Variants in CPQ observed in about 807,000 individuals in gnomAD.
CPQ encodes the protein Ser-Met dipeptidase.
A neutral mutation model predicts 45.7 loss-of-function variants in CPQ; 37 were observed. The ratio of observed to expected loss-of-function variants is 0.81; its 90% CI spans 0.62 to 1.07. The LOEUF is 1.07. Among genes scored for constraint, CPQ ranks in the 50% least tolerant of loss-of-function variants. The pLI is 0.00. For synonymous variants in CPQ, 186 were observed against 205.8 expected, an observed-to-expected ratio of 0.90 and a Z score of 0.82; for missense variants, 537 against 572.9, an observed-to-expected ratio of 0.94 and a Z score of 0.64.
intron 2 of CPQ, among the ~76,000 whole-genome samples, chr8:96,819,918 C>G (rs1586413380): frequency 6.6e-6 from 1 of 152,162 alleles, no homozygotes; most frequent in South Asian, 2.1e-4. Flanking sequence ...ATTGAAACCT[C>G]TGCTCTTCTC....
intron 4 of CPQ, among the ~76,000 whole-genome samples, chr8:96,919,326 C>T (rs866998887): frequency 3.3e-5 from 5 of 152,120 alleles, no homozygotes; most frequent in Admixed American, 2.0e-4. Context: ...GTCATTCTGT[C>T]TGTGGCACAT....
At chr8:96,728,620 G>A (rs1809873028) in intron 1 of CPQ, among the ~76,000 whole-genome samples, 1 of 152,120 alleles carries the variant, frequency 6.6e-6, no homozygotes, top group Non-Finnish European at 1.5e-5. Flanking sequence ...CATTCTAAGG[G>A]TGGATATGGT....
At position 96,955,381 on chromosome 8, in the gene CPQ, C is replaced by T. The variant is rs200784800; in HGVS notation, c.850-10554C>T. ...GAGCATTTTTTCATCTGTCTTTTGGCTGCATAAATGTCTTCCTTTGAGAAG... is the reference window on the plus strand; with the variant it reads ...GAGCATTTTTTCATCTGTCTTTTGGTTGCATAAATGTCTTCCTTTGAGAAG... On this transcript the variant is annotated intron_variant, in intron 4 of 7. Transcript: ENST00000220763. 6.6e-5 allele frequency among the ~76,000 whole-genome samples: 10 copies of T among 152,226 alleles called. No homozygotes were observed. In the East Asian group the frequency reaches 1.9e-3, roughly 29 times the overall value.
At chr8:96,824,284 A>G (rs751614414) in intron 2 of CPQ, among the ~76,000 whole-genome samples, 3 of 152,016 alleles carry the variant, frequency 2.0e-5, no homozygotes, top group Non-Finnish European at 4.4e-5. Flanking sequence ...TTTCATGTCA[A>G]TATATTTACC....
intron 1 of CPQ, among the ~76,000 whole-genome samples, chr8:96,740,304 C>A (rs199599411): frequency 3.3e-5 from 5 of 151,866 alleles, no homozygotes; most frequent in Admixed American, 1.3e-4. Context: ...ATTTTTGTAC[C>A]TTGATTTTTT....
chr8:96,926,622 TCTC>T lies in CPQ; in HGVS notation c.850-39307_850-39305del, dbSNP rs1194019208. On this transcript the variant is annotated intron_variant, in intron 4 of 7. Coordinates refer to ENST00000220763, the MANE Select transcript of CPQ (RefSeq NM_016134.4). ...TTCTTCTTCTTCTTCTTCTTCTTCT[TCTC>T]CTCCTTCTCCTTCTTCTTCTTCTCC... Among the ~76,000 whole-genome samples the T allele has an allele frequency of 2.9e-3, 355 of 123,814 alleles. 2 individuals carry two copies. Among genetic ancestry groups the T allele is most frequent in the African/African-American group, 0.012 (332 of 28,784 alleles). The allele number at this position is 123,814 out of a possible 152,430, so 81.2% of individuals were successfully genotyped here. A position where few individuals can be genotyped will look rare whatever the true frequency, so the allele number is the denominator to read the frequency against.
At chr8:97,063,702 T>A (rs1810590665) in intron 6 of CPQ, among the ~76,000 whole-genome samples, 1 of 152,064 alleles carries the variant, frequency 6.6e-6, no homozygotes, top group Non-Finnish European at 1.5e-5. Context: ...AGTTATCCCA[T>A]CATCCTTTAT....
rs780846696 is a variant in CPQ, at chr8:96,785,089, T to C, written c.192T>C (p.Tyr64=). The change falls in exon 2 of 8, where the codon TAT becomes TAC. Residue 64 remains tyrosine (Y), a synonymous_variant. Transcript: ENST00000220763. ...ATGGTAAAGCCCAGAACAGATCCTA[T>C]GAGCGATTGGCACTTCTGGTTGATA... ...AVYGKAQNRS[Y]ERLALLVDTV... The C allele has an allele frequency of 1.1e-5, 18 of 1,613,708 alleles. No individual in the cohort carries two copies. The highest frequency in any genetic ancestry group is 1.5e-5 in the Non-Finnish European group (18 of 1,179,856).
At chr8:97,018,218 A>T (rs1809615547) in intron 5 of CPQ, among the ~76,000 whole-genome samples, 1 of 152,228 alleles carries the variant, frequency 6.6e-6, no homozygotes, top group Admixed American at 6.5e-5. Flanking sequence ...ACCCTGTGAG[A>T]CAAAAGGAAC....
intron 6 of CPQ, among the ~76,000 whole-genome samples, chr8:97,049,159 C>A (rs749434987): frequency 5.3e-5 from 8 of 152,178 alleles, no homozygotes; most frequent in African/African-American, 4.8e-5. Context: ...ACCAGCAATT[C>A]TGGACTTTAT....
intron 1 of CPQ, among the ~76,000 whole-genome samples, chr8:96,661,266 C>T (rs1025521521): frequency 1.3e-5 from 2 of 152,104 alleles, no homozygotes; most frequent in African/African-American, 4.8e-5. Context: ...ATCCCATACA[C>T]TACCTGCCCC....
At chr8:96,698,476 A>T (rs193000307) in intron 1 of CPQ, among the ~76,000 whole-genome samples, 1 of 152,198 alleles carries the variant, frequency 6.6e-6, no homozygotes. Flanking sequence ...AAGCACAGGC[A>T]ACCACCGCAA....
At chr8:96,766,858 G>A (rs531714977) in intron 1 of CPQ, among the ~76,000 whole-genome samples, 2 of 152,070 alleles carry the variant, frequency 1.3e-5, no homozygotes, top group South Asian at 2.1e-4. Context: ...AAAACTCCAC[G>A]GCAAGCTGGG....
intron 5 of CPQ, among the ~76,000 whole-genome samples, chr8:97,005,306 G>A (rs182983946): frequency 4.1e-4 from 63 of 151,928 alleles, no homozygotes; most frequent in African/African-American, 1.4e-3. Context: ...GGTCTCAATC[G>A]CCTGACTTCA....
chr8:97,045,256 T>A (rs1471665414), intron 6 of CPQ, among the ~76,000 whole-genome samples: 1 of 151,918 alleles, frequency 6.6e-6, no homozygotes, highest in African/African-American at 2.4e-5. Context: ...GTGCTAGCAA[T>A]CAGTGAGACT....
At chr8:96,833,283 T>A (rs1811483566) in intron 2 of CPQ, among the ~76,000 whole-genome samples, 1 of 152,146 alleles carries the variant, frequency 6.6e-6, no homozygotes, top group Admixed American at 6.5e-5. Context: ...AGGACTCCAC[T>A]CTCTTGTTTG....
At chr8:97,139,038 A>G (rs1812109942) in intron 7 of CPQ, among the ~76,000 whole-genome samples, 1 of 152,172 alleles carries the variant, frequency 6.6e-6, no homozygotes, top group South Asian at 2.1e-4. Context: ...GAAACTCCTA[A>G]AAGTATGAGA....
intron 7 of CPQ, among the ~76,000 whole-genome samples, chr8:97,123,014 TAAA>T (rs1282197983): frequency 8.2e-5 from 2 of 24,434 alleles, no homozygotes; most frequent in African/African-American, 3.6e-4. Context: ...TAAAATAAAA[TAAA>T]ATAAAATAAA....
intron 6 of CPQ, among the ~76,000 whole-genome samples, chr8:97,033,400 T>G (rs1473821639): frequency 2.0e-5 from 3 of 152,184 alleles, no homozygotes; most frequent in Admixed American, 6.5e-5. Context: ...CCCACAAAAC[T>G]TAAAATATTA....
Sources: allele counts gnomAD v4.1 joint callset (sites outside exome capture counted in the v4.1 genomes callset), GRCh38; gene constraint gnomAD v4.1.1; transcripts MANE v1.5; gene names NCBI Gene and HGNC (gene_info 2026-07-23, HGNC 2026-07-21).